The following CSMD3 variants were observed in gnomAD, a reference collection of about 807,000 sequenced individuals.
CSMD3 encodes CUB and sushi domain-containing protein 3.
A neutral mutation model predicts 435.2 loss-of-function variants in CSMD3; 177 were observed. That is an observed-to-expected ratio of 0.41 (90% CI 0.36 to 0.46). CSMD3 has a LOEUF of 0.46. Ranked by LOEUF, CSMD3 falls within the 20% of genes least tolerant of loss-of-function variation. The pLI is 0.34. For synonymous variants in CSMD3, 1,656 were observed against 1,520.5 expected (o/e 1.09, Z -2.07); for missense variants, 4,265 against 4,504.6 (o/e 0.95, Z 1.52).
chr8:113,072,045 A>G (rs2089143810), intron 5 of CSMD3, among the ~76,000 whole-genome samples: 1 of 151,696 alleles, frequency 6.6e-6, no homozygotes, highest in Non-Finnish European at 1.5e-5. Flanking sequence ...TTATTCTTAA[A>G]TATTTTATTA....
At chr8:112,292,416 C>A in intron 55 of CSMD3, 121 bp downstream of exon 55, 1 of 894,028 alleles carries the variant, frequency 1.1e-6, no homozygotes, top group Non-Finnish European at 1.8e-6. Context: ...AGTATTAAAG[C>A]TTTTTGTTTT....
At chr8:112,522,393 A>T (rs191397631) in intron 27 of CSMD3, among the ~76,000 whole-genome samples, 56 of 152,058 alleles carry the variant, frequency 3.7e-4, no homozygotes, top group African/African-American at 1.3e-3. Flanking sequence ...AATTGTTTTT[A>T]CAATGCCATC....
intron 5 of CSMD3, among the ~76,000 whole-genome samples, chr8:113,057,101 A>G (rs2088375099): frequency 6.6e-6 from 1 of 152,134 alleles, no homozygotes. Context: ...TTTTTCAGTT[A>G]TCTACTCAAA....
intron 9 of CSMD3, among the ~76,000 whole-genome samples, chr8:112,940,881 T>C (rs948611018): frequency 2.6e-5 from 4 of 151,852 alleles, no homozygotes; most frequent in African/African-American, 9.7e-5. Flanking sequence ...ATTAGAAAAT[T>C]AATGGAAAAT....
chr8:112,592,997 C>G (rs549461748), intron 22 of CSMD3, among the ~76,000 whole-genome samples: 76 of 152,272 alleles, frequency 5.0e-4, no homozygotes, highest in African/African-American at 1.8e-3. Context: ...TTAAGGCAGA[C>G]TTCATGACTG....
chr8:112,747,278 C>G (rs1057213435), intron 13 of CSMD3, among the ~76,000 whole-genome samples: 1 of 125,836 alleles, frequency 7.9e-6, no homozygotes, highest in Non-Finnish European at 1.6e-5. Flanking sequence ...GTTCAAATTT[C>G]AATATACTTC....
At chr8:112,843,369 C>T (rs1269418339) in intron 11 of CSMD3, among the ~76,000 whole-genome samples, 1 of 151,896 alleles carries the variant, frequency 6.6e-6, no homozygotes, top group Non-Finnish European at 1.5e-5. Context: ...ACAGTGTCTT[C>T]TGCTGTCCAA....
At chr8:112,249,151 C>G (rs894571917) in intron 63 of CSMD3, among the ~76,000 whole-genome samples, 7 of 152,094 alleles carry the variant, frequency 4.6e-5, no homozygotes, top group Non-Finnish European at 8.8e-5. Context: ...AAGGTTAGAA[C>G]CCAGTTAATA....
At chr8:112,749,426 C>G (rs1205857155) in intron 13 of CSMD3, among the ~76,000 whole-genome samples, 1 of 151,976 alleles carries the variant, frequency 6.6e-6, no homozygotes. Context: ...GTTCCTATGT[C>G]CAGGATGGTA....
chr8:112,343,569 A>G (rs537506531), intron 41 of CSMD3, among the ~76,000 whole-genome samples: 4 of 152,146 alleles, frequency 2.6e-5, no homozygotes, highest in Middle Eastern at 3.4e-3. Context: ...TACCTTGTTT[A>G]CCTGGAATTT....
chr8:113,031,661 T>G (rs933241682), intron 5 of CSMD3, among the ~76,000 whole-genome samples: 1 of 151,620 alleles, frequency 6.6e-6, no homozygotes, highest in Non-Finnish European at 1.5e-5. Context: ...CCTGCAAAAT[T>G]GGTGAAATCT....
At chr8:112,747,962 CAAAA>C (rs71309788) in intron 13 of CSMD3, among the ~76,000 whole-genome samples, 7 of 96,754 alleles carry the variant, frequency 7.2e-5, no homozygotes, top group Admixed American at 1.1e-4. Flanking sequence ...GACTCCGTCT[CAAAA>C]AAAAAAAAAA....
At chr8:113,241,299 C>T (rs1326533539) in intron 3 of CSMD3, among the ~76,000 whole-genome samples, 3 of 151,894 alleles carry the variant, frequency 2.0e-5, no homozygotes, top group Non-Finnish European at 4.4e-5. Flanking sequence ...ATGGCAACAA[C>T]AGCAGAAAAA....
At chr8:112,963,016 G>A (rs368638104) in intron 7 of CSMD3, among the ~76,000 whole-genome samples, 1 of 151,964 alleles carries the variant, frequency 6.6e-6, no homozygotes, top group Non-Finnish European at 1.5e-5. Context: ...AGCTTTTGAA[G>A]CAGTAGACTC....
chr8:112,613,975 A>T (rs1172713702), intron 22 of CSMD3, among the ~76,000 whole-genome samples: 4 of 152,154 alleles, frequency 2.6e-5, no homozygotes, highest in African/African-American at 7.2e-5. Context: ...GTTTTTATTT[A>T]AAAACATTGG....
rs1205302562 is a variant in CSMD3 at position 112,974,447 on chromosome 8, C to A, written c.1342+1390G>T. 4.6e-5 allele frequency among the ~76,000 whole-genome samples: 7 copies of A among 151,852 alleles called. No individual in the cohort carries two copies. The East Asian group carries it at 1.4e-3, about 29-fold the overall frequency. On this transcript the variant is annotated intron_variant, in intron 7 of 70. Coordinates refer to ENST00000297405, the MANE Select transcript of CSMD3 (RefSeq NM_198123.2). ...TCCAGATAGCCTACCAATATTAGCT[C>A]ATGCAATTTTCCAAAGAGAATGAAA...
chr8:112,879,096 G>C (rs1189910361), intron 10 of CSMD3, among the ~76,000 whole-genome samples: 7 of 152,054 alleles, frequency 4.6e-5, no homozygotes, highest in Admixed American at 2.0e-4. Flanking sequence ...TGACTGCCTG[G>C]GATCTGGGCA....
chr8:112,482,055 C>A (rs2130801572), intron 31 of CSMD3, among the ~76,000 whole-genome samples: 1 of 151,966 alleles, frequency 6.6e-6, no homozygotes, highest in Non-Finnish European at 1.5e-5. Context: ...GCTTATAAAC[C>A]ATTTTAATGA....
intron 10 of CSMD3, among the ~76,000 whole-genome samples, chr8:112,899,638 T>TATATATATATATATATAC (rs1309592432): frequency 8.4e-6 from 1 of 118,466 alleles, no homozygotes; most frequent in African/African-American, 3.3e-5. Flanking sequence ...TATATGTATA[T>TATATATATATATATATAC]ACATATATGT....
Sources: gnomAD v4.1 joint callset for allele counts (sites outside exome capture counted in the v4.1 genomes callset) on GRCh38, gnomAD v4.1.1 for gene constraint, MANE v1.5 for transcripts, NCBI Gene and HGNC (gene_info 2026-07-23, HGNC 2026-07-21) for gene names.